Variants in DOCK10 observed in about 807,000 individuals in gnomAD.
The protein encoded by DOCK10 is dedicator of cytokinesis protein 10.
Under a neutral mutation model 280.1 loss-of-function variants are expected in DOCK10, and 145 were observed. The observed-to-expected ratio is 0.52, with a 90% CI of 0.45 to 0.59. DOCK10 has a LOEUF of 0.59. Among genes scored for constraint, DOCK10 ranks in the 20% least tolerant of loss-of-function variants. The pLI, the probability that DOCK10 is intolerant of heterozygous loss-of-function variation, is 0.00. For synonymous variants in DOCK10, 915 were observed against 942.2 expected, an observed-to-expected ratio of 0.97 and a Z score of 0.53; for missense variants, 2,368 against 2,651.7, an observed-to-expected ratio of 0.89 and a Z score of 2.35.
chr2:224,921,106 A>ATAT (rs1553613917), intron 2 of DOCK10, among the ~76,000 whole-genome samples: 9 of 57,822 alleles, frequency 1.6e-4, no homozygotes, highest in African/African-American at 7.7e-4. Flanking sequence ...AAAAAAAAAA[A>ATAT]AAAAAAATAT....
chr2:224,965,583 AC>A (rs1704691160), intron 1 of DOCK10, among the ~76,000 whole-genome samples: 1 of 152,224 alleles, frequency 6.6e-6, no homozygotes, highest in African/African-American at 2.4e-5. Context: ...TTCACTTAAT[AC>A]AGGCCAAATG....
chr2:224,906,042 T>C (rs571327113), intron 3 of DOCK10, among the ~76,000 whole-genome samples: 77 of 152,330 alleles, frequency 5.1e-4, no homozygotes, highest in African/African-American at 1.7e-3. Flanking sequence ...TTATCTTCTT[T>C]GCTTCATCCT....
chr2:224,901,579 GGATA>G (rs1700299803), intron 3 of DOCK10, among the ~76,000 whole-genome samples: 1 of 152,200 alleles, frequency 6.6e-6, no homozygotes, highest in African/African-American at 2.4e-5. Flanking sequence ...TGTGCCATGA[GGATA>G]GAGTTTCCTA....
At chr2:224,964,451 C>T (rs1575123540) in intron 1 of DOCK10, among the ~76,000 whole-genome samples, 1 of 151,828 alleles carries the variant, frequency 6.6e-6, no homozygotes, top group East Asian at 1.9e-4. Flanking sequence ...AGCTTTAAGT[C>T]CTGGCCTTTA....
chr2:225,010,379 T>C (rs893672852), intron 1 of DOCK10: 1 of 151,908 alleles, frequency 6.6e-6, no homozygotes, highest in African/African-American at 2.4e-5. Context: ...GGGAGGTGAA[T>C]GCAATTAATT....
chr2:224,969,977 G>A (rs1704994863), intron 1 of DOCK10, among the ~76,000 whole-genome samples: 1 of 152,054 alleles, frequency 6.6e-6, no homozygotes, highest in Admixed American at 6.6e-5. Flanking sequence ...CTGCCTTTTG[G>A]CTCACTCATT....
At chr2:224,991,714 G>A (rs1483525222) in intron 1 of DOCK10, among the ~76,000 whole-genome samples, 1 of 152,064 alleles carries the variant, frequency 6.6e-6, no homozygotes, top group African/African-American at 2.4e-5. Flanking sequence ...TTAAAGGTAT[G>A]GGCCACCCAC....
intron 1 of DOCK10, among the ~76,000 whole-genome samples, chr2:225,035,860 G>C (rs1166900996): frequency 2.6e-5 from 4 of 151,434 alleles, no homozygotes; most frequent in African/African-American, 7.3e-5. Context: ...ACATGACAGA[G>C]AGAGGGTGAT....
intron 1 of DOCK10, among the ~76,000 whole-genome samples, chr2:224,969,071 A>G (rs973904762): frequency 3.3e-5 from 5 of 152,000 alleles, no homozygotes; most frequent in Admixed American, 2.0e-4. Flanking sequence ...TTCAGCTGTG[A>G]TTTTTTTTCT....
rs1690355396 is a variant in DOCK10 at position 224,770,352 on chromosome 2, T to A, written c.6306-3A>T. 6.3e-7 allele frequency: 1 copy of A among 1,594,142 alleles called. No homozygotes were observed. Among genetic ancestry groups the A allele is most frequent in the Non-Finnish European group, 8.5e-7 (1 of 1,170,854 alleles). On this transcript the variant is annotated splice_polypyrimidine_tract_variant and splice_region_variant and intron_variant, in intron 54 of 55. Transcript: ENST00000258390. The surrounding 1 kb of genome is among the most constrained non-coding windows in gnomAD (Gnocchi z 4.5). ...GCCCACATGCATCTGCAAATTGCCT[T>A]TAGCGACAGCATTAAACAAATTAAA...
intron 31 of DOCK10, among the ~76,000 whole-genome samples, chr2:224,810,005 A>AG (rs1232732981): frequency 1.3e-5 from 2 of 151,604 alleles, no homozygotes; most frequent in East Asian, 1.9e-4. Context: ...AAAAAAAAAA[A>AG]AAAGAAATCC....
Position 224,792,961 on chromosome 2 carries a change from T to C in DOCK10, c.5311+13A>G, listed in dbSNP as rs1692303432. ...CCTCTGCATTGGGATAAATGAGCAG[T>C]TAGGTCACTCACTTCCTCCACTGGG... is the stretch of plus-strand genomic sequence containing the variant. On this transcript the variant is annotated intron_variant, in intron 47 of 55. Transcript: ENST00000258390. 1.3e-6 allele frequency: 2 copies of C among 1,591,102 alleles called. No individual in the cohort carries two copies. Among genetic ancestry groups the C allele is most frequent in the Admixed American group, 3.4e-5 (2 of 59,636 alleles).
At position 224,896,332 on chromosome 2, in the gene DOCK10, A is replaced by T. The variant is rs755826548; in HGVS notation, c.379T>A (p.Tyr127Asn). 6.2e-7 allele frequency: 1 copy of T among 1,607,988 alleles called. No homozygotes were observed. The highest frequency in any genetic ancestry group is 1.1e-5 in the South Asian group (1 of 90,244). The change falls in exon 4 of 56, where the codon TAT (tyrosine) becomes AAT (asparagine). Residue 127 changes from tyrosine to asparagine, a missense_variant. Coordinates refer to ENST00000258390, the MANE Select transcript of DOCK10 (RefSeq NM_014689.3). ...CGAATGTCTCCAGAATATTGTTCAT[A>T]TTTGTAGTTTACCACATGCCACTGG... ...SSQWHVVNYK[Y>N]EQYSGDIRQL...
At chr2:224,900,820 A>G (rs1330875212) in intron 3 of DOCK10, among the ~76,000 whole-genome samples, 1 of 152,234 alleles carries the variant, frequency 6.6e-6, no homozygotes, top group Non-Finnish European at 1.5e-5. Flanking sequence ...TCTATAATTC[A>G]CATTCACAAC....
At position 224,807,908 on chromosome 2, in the gene DOCK10, T is replaced by C. The variant is rs529947609; in HGVS notation, c.3585+3A>G. On this transcript the variant is annotated splice_donor_region_variant and intron_variant, in intron 32 of 55. Coordinates refer to ENST00000258390, the MANE Select transcript of DOCK10 (RefSeq NM_014689.3). ...AGGGAAGGGAGAAAGGAAGATCACT[T>C]ACTGGCTCTCTGTATCGATCATCAA... The C allele has an allele frequency of 1.9e-6, 3 of 1,609,868 alleles. No individual in the cohort carries two copies. The highest frequency in any genetic ancestry group is 2.2e-5 in the East Asian group (1 of 44,798).
chr2:225,006,928 T>C lies in DOCK10; in HGVS notation c.123+35324A>G, dbSNP rs145523905. On this transcript the variant is annotated intron_variant, in intron 1 of 55. Coordinates refer to ENST00000258390, the MANE Select transcript of DOCK10 (RefSeq NM_014689.3). ...GCCATTAGATTACACTGAGGTGTGC[T>C]GAGCCAACTCACCTAACTGCAGTCA... 5.1e-3 allele frequency among the ~76,000 whole-genome samples: 777 copies of C among 152,316 alleles called. 9 individuals are homozygous for C. The highest frequency in any genetic ancestry group is 0.017 in the African/African-American group (702 of 41,570).
At chr2:224,999,551 C>T (rs898508046) in intron 1 of DOCK10, among the ~76,000 whole-genome samples, 7 of 145,782 alleles carry the variant, frequency 4.8e-5, no homozygotes, top group African/African-American at 1.7e-4. Context: ...TGAAAATTTA[C>T]TGACTGCTAG....
chr2:224,786,953 T>C lies in DOCK10; in HGVS notation c.5655+69A>G, dbSNP rs144306022. 8.5e-4 allele frequency: 986 copies of C among 1,161,108 alleles called. 8 individuals carry two copies. The Middle Eastern group carries it at 0.025, about 29-fold the overall frequency. The allele number at this position is 1,161,108 out of a possible 1,614,324, so 71.9% of individuals were successfully genotyped here. On this transcript the variant is annotated intron_variant, in intron 50 of 55. Coordinates refer to ENST00000258390, the MANE Select transcript of DOCK10 (RefSeq NM_014689.3). The surrounding 1 kb of genome is among the most constrained non-coding windows in gnomAD (Gnocchi z 4.7). ...TTCACTGGTACACACAGATGTCTCA[T>C]AAAGAATGAAAGACAACATTCAACT...
chr2:224,874,680 C>G lies in DOCK10; in HGVS notation c.1003G>C (p.Ala335Pro). Residue 335 changes from alanine to proline, a missense_variant, in exon 9 of 56, where the codon GCA becomes CCA. Transcript: ENST00000258390. Reference protein sequence around the residue: ...ETDSSENNLHADFAKYLTETE... With the variant: ...ETDSSENNLHPDFAKYLTETE... Reference sequence around the variant, plus strand: ...AACTTTATTACCTTTGCAAAGTCTGCGTGTAGGTTGTTCTCTGAAGAATCT... The same window carrying G: ...AACTTTATTACCTTTGCAAAGTCTGGGTGTAGGTTGTTCTCTGAAGAATCT... 1 of 1,613,764 alleles carries G rather than the reference C, an allele frequency of 6.2e-7. No individual in the cohort carries two copies. Among genetic ancestry groups the G allele is most frequent in the Non-Finnish European group, 8.5e-7 (1 of 1,179,732 alleles).
Sources: gnomAD v4.1 joint callset for allele counts (sites outside exome capture counted in the v4.1 genomes callset) on GRCh38, gnomAD v4.1.1 for gene constraint, Gnocchi (gnomAD v3.1) non-coding constraint, MANE v1.5 for transcripts, NCBI Gene and HGNC (gene_info 2026-07-23, HGNC 2026-07-21) for gene names.